The following PLCG1 variants were observed in gnomAD, a reference collection of about 807,000 sequenced individuals.
The protein encoded by PLCG1 is phospholipase C gamma 1, also known as 1-phosphatidylinositol 4,5-bisphosphate phosphodiesterase gamma-1.
In PLCG1, 71 loss-of-function variants were observed where a neutral mutation model predicts 177.8. That is an observed-to-expected ratio of 0.40 (90% CI 0.33 to 0.49). PLCG1 has a LOEUF of 0.49. Among genes scored for constraint, PLCG1 ranks in the 20% least tolerant of loss-of-function variants. The pLI, the probability that PLCG1 is intolerant of heterozygous loss-of-function variation, is 0.72. For synonymous variants in PLCG1, 658 were observed against 647.9 expected, an observed-to-expected ratio of 1.02 and a Z score of -0.24; for missense variants, 1,281 against 1,709.0, an observed-to-expected ratio of 0.75 and a Z score of 4.42.
In PLCG1 at chr20:41,160,274, G is replaced by A; in HGVS notation, c.512+121G>A. 2.3e-6 allele frequency: 2 copies of A among 860,534 alleles called. No individual in the cohort carries two copies. Among genetic ancestry groups the A allele is most frequent in the East Asian group, 2.6e-5 (1 of 39,194 alleles). The allele number at this position is 860,534 out of a possible 1,614,324, so 53.3% of individuals were successfully genotyped here. Reference sequence around the variant, plus strand: ...CCCAGGGGACCTTAAGTGGGGCCAGGAGGGTGGGCAGAAGGTTCTGCCACG... The same window carrying A: ...CCCAGGGGACCTTAAGTGGGGCCAGAAGGGTGGGCAGAAGGTTCTGCCACG... On this transcript the variant is annotated intron_variant, in intron 4 of 31. Transcript: ENST00000685551. This position sits in a 1 kb window ranked among gnomAD's most constrained non-coding sequence, Gnocchi z 5.5.
intron 22 of PLCG1, 109 bp downstream of exon 22, chr20:41,169,284 C>T: frequency 1.0e-6 from 1 of 981,198 alleles, no homozygotes; most frequent in Non-Finnish European, 1.6e-6. Flanking sequence ...ACACCTGTCA[C>T]ATGGGCTGGT....
chr20:41,166,177 C>T lies in PLCG1; in HGVS notation c.1800-17C>T, dbSNP rs752671303. On this transcript the variant is annotated splice_polypyrimidine_tract_variant and intron_variant, in intron 16 of 31. Transcript: ENST00000685551. This position sits in a 1 kb window ranked among gnomAD's most constrained non-coding sequence, Gnocchi z 8.6. ...GGCCTGTTTTCCCCAGCCTCCCTCACTCTGTGTCTTCCACAGGCGGAACGG... is the reference window on the plus strand; with the variant it reads ...GGCCTGTTTTCCCCAGCCTCCCTCATTCTGTGTCTTCCACAGGCGGAACGG... 1.2e-6 allele frequency: 2 copies of T among 1,609,028 alleles called. No individual in the cohort carries two copies. The highest frequency in any genetic ancestry group is 1.7e-6 in the Non-Finnish European group (2 of 1,178,168).
rs1256308941 is a variant in PLCG1 at position 41,150,732 on chromosome 20, G to C, written c.218-8874G>C. ...GAACTTAGTGGACTCCTGCACCTCT[G>C]TCTTGGTTTCCATGAACCCCTCTGC... is the stretch of plus-strand genomic sequence containing the variant. On this transcript the variant is annotated intron_variant, in intron 1 of 31. Coordinates refer to ENST00000685551, the MANE Select transcript of PLCG1 (RefSeq NM_002660.3). This position sits in a 1 kb window ranked among gnomAD's most constrained non-coding sequence, Gnocchi z 4.0. Among the ~76,000 whole-genome samples, 1 of 152,162 alleles carries C rather than the reference G, an allele frequency of 6.6e-6. No homozygotes were observed. Among genetic ancestry groups the C allele is most frequent in the African/African-American group, 2.4e-5 (1 of 41,420 alleles).
Position 41,174,464 on chromosome 20 carries a change from C to T in PLCG1, c.3834-3C>T. 6.3e-7 allele frequency: 1 copy of T among 1,590,332 alleles called. No homozygotes were observed. Among genetic ancestry groups the T allele is most frequent in the Non-Finnish European group, 8.6e-7 (1 of 1,166,856 alleles). ...AGTAAGGACACTCTTCCCTTCTGTC[C>T]AGGGCCCCAAGAAGGACTCGGGTCA... On this transcript the variant is annotated splice_region_variant and splice_polypyrimidine_tract_variant and intron_variant, in intron 31 of 31. Transcript: ENST00000685551. This position sits in a 1 kb window ranked among gnomAD's most constrained non-coding sequence, Gnocchi z 5.8.
chr20:41,137,645 G>C lies in PLCG1; in HGVS notation c.4G>C (p.Ala2Pro). 1 of 1,318,892 alleles carries C rather than the reference G, an allele frequency of 7.6e-7. No individual in the cohort carries two copies. 81.7% of individuals were successfully genotyped at this position (1,318,892 alleles called of 1,614,324 possible). Residue 2 changes from alanine (A) to proline (P), a missense_variant, in exon 1 of 32, where the codon GCG (alanine) becomes CCG (proline). By Grantham distance (27) the Ala-to-Pro change is conservative. Around this residue, in one of 4 missense-constraint regions of PLCG1, gnomAD observed 374 missense variants for 443.8 expected, o/e 0.84. Coordinates refer to ENST00000685551, the MANE Select transcript of PLCG1 (RefSeq NM_002660.3). This position sits in a 1 kb window ranked among gnomAD's most constrained non-coding sequence, Gnocchi z 7.3. ...CGCCGCCCCCAGCGTCGGAGCCATG[G>C]CGGGCGCCGCGTCCCCTTGCGCCAA... M[A>P]GAASPCANGC...
Position 41,173,349 on chromosome 20 carries a change from C to T in PLCG1, c.3280-71C>T. ...GCTGCCTCCACTCCACAGATGCTGA[C>T]TGAGCCTCCGCAGTGGGGAATTGGA... is the stretch of plus-strand genomic sequence containing the variant. On this transcript the variant is annotated intron_variant, in intron 27 of 31. Coordinates refer to ENST00000685551, the MANE Select transcript of PLCG1 (RefSeq NM_002660.3). This position sits in a 1 kb window ranked among gnomAD's most constrained non-coding sequence, Gnocchi z 6.2. The T allele has an allele frequency of 6.9e-7, 1 of 1,449,622 alleles. No individual in the cohort carries two copies. The highest frequency in any genetic ancestry group is 9.2e-7 in the Non-Finnish European group (1 of 1,087,390). The allele number at this position is 1,449,622 out of a possible 1,614,324, so 89.8% of individuals were successfully genotyped here.
Position 41,164,243 on chromosome 20 carries a change from A to G in PLCG1, c.1217+42A>G. On this transcript the variant is annotated intron_variant, in intron 12 of 31. Coordinates refer to ENST00000685551, the MANE Select transcript of PLCG1 (RefSeq NM_002660.3). This position sits in a 1 kb window ranked among gnomAD's most constrained non-coding sequence, Gnocchi z 6.4. ...ATGACCCAGGGGTTAACTTGGCTCC[A>G]GGTCTCTCGTTCTAGAGGGACAGAG... The G allele has an allele frequency of 6.2e-7, 1 of 1,609,036 alleles. No homozygotes were observed. The highest frequency in any genetic ancestry group is 8.5e-7 in the Non-Finnish European group (1 of 1,176,344).
intron 1 of PLCG1, among the ~76,000 whole-genome samples, chr20:41,142,891 G>A (rs2034873795): frequency 6.6e-6 from 1 of 152,198 alleles, no homozygotes; most frequent in Non-Finnish European, 1.5e-5. Flanking sequence ...TGAGGATTAA[G>A]TTCTCAGGAG....
intron 4 of PLCG1, 196 bp from the exon 5 acceptor site, chr20:41,162,251 TTTTTG>T: frequency 3.2e-6 from 1 of 312,888 alleles, no homozygotes; most frequent in Non-Finnish European, 5.8e-6. Flanking sequence ...TTTTTTTTTT[TTTTTG>T]CTCAGATGAG....
At position 41,166,162 on chromosome 20, in the gene PLCG1, C is replaced by T. The variant is rs752333236; in HGVS notation, c.1800-32C>T. ...GGTCTTTGGGGCCCTGGCCTGTTTT[C>T]CCCAGCCTCCCTCACTCTGTGTCTT... On this transcript the variant is annotated intron_variant, in intron 16 of 31. Coordinates refer to ENST00000685551, the MANE Select transcript of PLCG1 (RefSeq NM_002660.3). This position sits in a 1 kb window ranked among gnomAD's most constrained non-coding sequence, Gnocchi z 8.6. 4 of 1,594,766 alleles carry T rather than the reference C, an allele frequency of 2.5e-6. No homozygotes were observed. The highest frequency in any genetic ancestry group is 3.4e-6 in the Non-Finnish European group (4 of 1,168,376).
rs2034653006 is a variant in PLCG1 at position 41,137,923 on chromosome 20, G to C, written c.217+65G>C. The C allele has an allele frequency of 9.0e-7, 1 of 1,116,148 alleles. No individual in the cohort carries two copies. Among genetic ancestry groups the C allele is most frequent in the Non-Finnish European group, 1.1e-6 (1 of 870,602 alleles). The allele number at this position is 1,116,148 out of a possible 1,614,324, so 69.1% of individuals were successfully genotyped here. A position where few individuals can be genotyped will look rare whatever the true frequency, so the allele number is the denominator to read the frequency against. ...GGGGTCGTGGGAGCCCGGCCCGACTGCTTGCACCCCGGCCGGCCGCCCCAG... is the reference window on the plus strand; with the variant it reads ...GGGGTCGTGGGAGCCCGGCCCGACTCCTTGCACCCCGGCCGGCCGCCCCAG... On this transcript the variant is annotated intron_variant, in intron 1 of 31. Transcript: ENST00000685551. The surrounding 1 kb of genome is among the most constrained non-coding windows in gnomAD (Gnocchi z 7.3).
At position 41,137,939 on chromosome 20, in the gene PLCG1, G is replaced by GCCGC. The variant is rs2034653930; in HGVS notation, c.217+84_217+87dup. ...GGCCCGACTGCTTGCACCCCGGCCG[G>GCCGC]CCGCCCCAGCGACTTGGGCAAACTT... On this transcript the variant is annotated intron_variant, in intron 1 of 31. Coordinates refer to ENST00000685551, the MANE Select transcript of PLCG1 (RefSeq NM_002660.3). This position sits in a 1 kb window ranked among gnomAD's most constrained non-coding sequence, Gnocchi z 7.3. 1.0e-6 allele frequency: 1 copy of GCCGC among 1,004,662 alleles called. No individual in the cohort carries two copies. The highest frequency in any genetic ancestry group is 4.3e-5 in the Admixed American group (1 of 23,356). The allele number at this position is 1,004,662 out of a possible 1,614,324, so 62.2% of individuals were successfully genotyped here.
intron 1 of PLCG1, among the ~76,000 whole-genome samples, chr20:41,143,553 G>A (rs971687530): frequency 6.6e-6 from 1 of 152,196 alleles, no homozygotes; most frequent in African/African-American, 2.4e-5. Context: ...GTCCTTGGAG[G>A]GAATCTCTGA....
At chr20:41,169,272 A>G in intron 22 of PLCG1, 97 bp downstream of exon 22, 1 of 1,009,668 alleles carries the variant, frequency 9.9e-7, no homozygotes, top group Non-Finnish European at 1.6e-6. Context: ...GTGCATGCAC[A>G]GACACCTGTC....
In PLCG1 at chr20:41,147,814, C is replaced by G. The variant is rs964379687; in HGVS notation, c.217+9956C>G. ...AGTGAGCCAAGATCGCGCCATTGCA[C>G]TCCAGCCTGGGTGACAGAGCAAGAC... On this transcript the variant is annotated intron_variant, in intron 1 of 31. Coordinates refer to ENST00000685551, the MANE Select transcript of PLCG1 (RefSeq NM_002660.3). This position sits in a 1 kb window ranked among gnomAD's most constrained non-coding sequence, Gnocchi z 4.0. Among the ~76,000 whole-genome samples, 1 of 151,740 alleles carries G rather than the reference C, an allele frequency of 6.6e-6. No individual in the cohort carries two copies. Among genetic ancestry groups the G allele is most frequent in the African/African-American group, 2.4e-5 (1 of 41,266 alleles).
Position 41,164,316 on chromosome 20 carries a change from A to G in PLCG1, c.1217+115A>G. 2.8e-6 allele frequency: 3 copies of G among 1,070,936 alleles called. No individual in the cohort carries two copies. The Admixed American group carries it at 6.0e-5, about 21-fold the overall frequency. 66.3% of individuals were successfully genotyped at this position (1,070,936 alleles called of 1,614,324 possible). A position where few individuals can be genotyped will look rare whatever the true frequency, so the allele number is the denominator to read the frequency against. On this transcript the variant is annotated intron_variant, in intron 12 of 31. Coordinates refer to ENST00000685551, the MANE Select transcript of PLCG1 (RefSeq NM_002660.3). This position sits in a 1 kb window ranked among gnomAD's most constrained non-coding sequence, Gnocchi z 6.4. Reference sequence around the variant, plus strand: ...CCTGTCCCCTCTCCCTCAGCCTTTCATCTTTGTCCTTCCTCTTGGCCTCTC... The same window carrying G: ...CCTGTCCCCTCTCCCTCAGCCTTTCGTCTTTGTCCTTCCTCTTGGCCTCTC...
Position 41,160,143 on chromosome 20 carries a change from C to T in PLCG1, c.502C>T (p.Arg168Cys), listed in dbSNP as rs774118487. ...RKQFYSVDRN[R>C]EDRISAKDLK... Reference sequence around the variant, plus strand: ...GCAGTTTTACTCAGTGGATCGGAATCGTGAGGATCGGTAAGTACTGAGCTG... The same window carrying T: ...GCAGTTTTACTCAGTGGATCGGAATTGTGAGGATCGGTAAGTACTGAGCTG... Residue 168 changes from arginine (R) to cysteine (C), a missense_variant, in exon 4 of 32, where the codon CGT (arginine) becomes TGT (cysteine). By Grantham distance (180) the Arg-to-Cys change is radical. Around this residue, in one of 4 missense-constraint regions of PLCG1, gnomAD observed 374 missense variants for 443.8 expected, o/e 0.84. Coordinates refer to ENST00000685551, the MANE Select transcript of PLCG1 (RefSeq NM_002660.3). This position sits in a 1 kb window ranked among gnomAD's most constrained non-coding sequence, Gnocchi z 5.5. 5 of 1,613,876 alleles carry T rather than the reference C, an allele frequency of 3.1e-6. No individual in the cohort carries two copies. The highest frequency in any genetic ancestry group is 4.2e-6 in the Non-Finnish European group (5 of 1,179,952).
intron 1 of PLCG1, chr20:41,138,064 C>G: frequency 2.7e-6 from 1 of 375,352 alleles, no homozygotes; most frequent in Non-Finnish European, 4.7e-6. Flanking sequence ...TGACAGGACA[C>G]CCCCCCTCCC....
At chr20:41,145,340 G>C (rs1421772642) in intron 1 of PLCG1, among the ~76,000 whole-genome samples, 1 of 152,218 alleles carries the variant, frequency 6.6e-6, no homozygotes, top group African/African-American at 2.4e-5. Flanking sequence ...CTATGACTTA[G>C]GATGCATGTG....
Sources: allele counts gnomAD v4.1 joint callset (sites outside exome capture counted in the v4.1 genomes callset), GRCh38; gene constraint gnomAD v4.1.1; regional missense constraint gnomAD v4.1.1; non-coding constraint Gnocchi (gnomAD v3.1); transcripts MANE v1.5; gene names NCBI Gene and HGNC (gene_info 2026-07-23, HGNC 2026-07-21).